MRPL34: variants seen among roughly 807,000 people sequenced by gnomAD.
MRPL34 encodes large ribosomal subunit protein bL34m.
MRPL34 carries 8 observed loss-of-function variants against 6.7 expected under a neutral mutation model. The ratio of observed to expected loss-of-function variants is 1.20; its 90% confidence interval spans 0.70 to 2.16. MRPL34 has a LOEUF of 2.16. MRPL34 is among the 30% of genes most tolerant of loss of function. The pLI is 0.00. For synonymous variants in MRPL34, 59 were observed against 55.1 expected (o/e 1.07, Z -0.31); for missense variants, 146 against 125.5 (o/e 1.16, Z -0.78).
Position 17,306,460 on chromosome 19 carries a change from G to C in MRPL34, c.*81G>C. The C allele has an allele frequency of 7.5e-7, 1 of 1,341,472 alleles. No individual in the cohort carries two copies. The highest frequency in any genetic ancestry group is 1.0e-6 in the Non-Finnish European group (1 of 998,154). The allele number at this position is 1,341,472 out of a possible 1,614,324, so 83.1% of individuals were successfully genotyped here. On this transcript the variant is annotated 3_prime_UTR_variant, in exon 2 of 2. Coordinates refer to ENST00000252602, the MANE Select transcript of MRPL34 (RefSeq NM_023937.4). The stretch of plus-strand genomic sequence containing the variant: ...TTGCCTGGCGCTATTTTTGCAGGGA[G>C]CTGGGGAGCAGGAACGCCTCGGACC...
chr19:17,293,681 A>T (rs1416672334), intron 1 of MRPL34, among the ~76,000 whole-genome samples: 4 of 88,100 alleles, frequency 4.5e-5, no homozygotes, highest in Non-Finnish European at 7.6e-5. Context: ...TTATACTTTA[A>T]TGGTTTTTGT....
intron 1 of MRPL34, among the ~76,000 whole-genome samples, chr19:17,295,122 G>A (rs62126249): frequency 1.0e-5 from 1 of 98,552 alleles, no homozygotes; most frequent in East Asian, 2.5e-4. Flanking sequence ...TTTTTGAGAC[G>A]GAGTCTCGCT....
Position 17,295,090 on chromosome 19 carries a change from A to ATTTTTTTTTT in MRPL34, c.214+2253_214+2262dup, listed in dbSNP as rs779607230. Among the ~76,000 whole-genome samples, 13 of 80,414 alleles carry ATTTTTTTTTT rather than the reference A, an allele frequency of 1.6e-4. 1 individual carries two copies. Among genetic ancestry groups the ATTTTTTTTTT allele is most frequent in the African/African-American group, 5.4e-4 (11 of 20,338 alleles). 52.8% of individuals were successfully genotyped at this position (80,414 alleles called of 152,430 possible). A position where few individuals can be genotyped will look rare whatever the true frequency, so the allele number is the denominator to read the frequency against. On this transcript the variant is annotated intron_variant, in intron 1 of 2. Transcript: ENST00000595444. Reference sequence around the variant, plus strand: ...AGGCGCACACCACCACACCCAGGTAATTTTTTTTTTTTTTTTTTTTTTTTT... The same window carrying ATTTTTTTTTT: ...AGGCGCACACCACCACACCCAGGTAATTTTTTTTTTTTTTTTTTTTTTTTTTTTTTTTTTT...
At chr19:17,304,260 C>A (rs184035538), upstream of MRPL34, among the ~76,000 whole-genome samples, 4 of 152,290 alleles carry the variant, frequency 2.6e-5, no homozygotes, top group East Asian at 1.9e-4. Flanking sequence ...CATGGTAGGC[C>A]CTCAGGAGAG....
chr19:17,299,560 CAAAAAAAAAAAA>C (rs567760409), upstream of MRPL34, among the ~76,000 whole-genome samples: 3 of 51,506 alleles, frequency 5.8e-5, no homozygotes, highest in East Asian at 2.0e-3. Context: ...GACTCCATCT[CAAAAAAAAAAAA>C]AAAAAAAAAA....
At chr19:17,298,735 C>CTTTTTTTT (rs34731394), upstream of MRPL34, among the ~76,000 whole-genome samples, 5 of 70,422 alleles carry the variant, frequency 7.1e-5, no homozygotes, top group Non-Finnish European at 7.4e-5. Flanking sequence ...AACAACACTG[C>CTTTTTTTT]TTTTTTTTTT....
chr19:17,294,209 GCCC>G, intron 1 of MRPL34: 1 of 1,495,758 alleles, frequency 6.7e-7, no homozygotes, highest in African/African-American at 1.4e-5. Context: ...GCGCTACCAC[GCCC>G]CCCGCAGAGG....
At position 17,306,303 on chromosome 19, in the gene MRPL34, G is replaced by T; in HGVS notation, c.203G>T (p.Arg68Leu). ...CGCAAGAACAAGCACGGCTGGGTCC[G>T]GCGCCTGAGCACGCCGGCCGGCGTG... The part of the protein sequence containing the change: ...IKRKNKHGWV[R>L]RLSTPAGVQV... The change falls in exon 2 of 2, where the codon CGG becomes CTG. Residue 68 changes from arginine to leucine, a missense_variant. Arg to Leu is a moderately radical substitution (Grantham distance 102). Transcript: ENST00000252602. 6.2e-7 allele frequency: 1 copy of T among 1,610,372 alleles called. No homozygotes were observed. The highest frequency in any genetic ancestry group is 8.5e-7 in the Non-Finnish European group (1 of 1,179,156).
rs775226742 is a variant in MRPL34 at position 17,306,397 on chromosome 19, G to A, written c.*18G>A. ...GCCATTGAGGATCGCGACGCAGTCGGCGGGACCCTCATGGAAGCATCGCCC... is the reference window on the plus strand; with the variant it reads ...GCCATTGAGGATCGCGACGCAGTCGACGGGACCCTCATGGAAGCATCGCCC... On this transcript the variant is annotated 3_prime_UTR_variant, in exon 2 of 2. Coordinates refer to ENST00000252602, the MANE Select transcript of MRPL34 (RefSeq NM_023937.4). 1 of 1,549,236 alleles carries A rather than the reference G, an allele frequency of 6.5e-7. No homozygotes were observed. The highest frequency in any genetic ancestry group is 8.7e-7 in the Non-Finnish European group (1 of 1,149,366).
chr19:17,299,757 A>T (rs923743501), upstream of MRPL34, among the ~76,000 whole-genome samples: 14 of 151,804 alleles, frequency 9.2e-5, no homozygotes, highest in Admixed American at 4.6e-4. Flanking sequence ...GAAAAATGGG[A>T]TTTTTTTCAA....
Position 17,306,261 on chromosome 19 carries a change from A to T in MRPL34, c.161A>T (p.Gln54Leu). Reference sequence around the variant, plus strand: ...GGCAAGGCTCGCGGGAATGAGTATCAGCCGAGCAACATCAAACGCAAGAAC... The same window carrying T: ...GGCAAGGCTCGCGGGAATGAGTATCTGCCGAGCAACATCAAACGCAAGAAC... Reference protein sequence around the residue: ...ARGKARGNEYQPSNIKRKNKH... With the variant: ...ARGKARGNEYLPSNIKRKNKH... Residue 54 changes from glutamine to leucine, a missense_variant, in exon 2 of 2, where the codon CAG (glutamine) becomes CTG (leucine). By Grantham distance (113) the Gln-to-Leu change is moderately radical. Transcript: ENST00000252602. 1.9e-6 allele frequency: 3 copies of T among 1,601,442 alleles called. No homozygotes were observed. The highest frequency in any genetic ancestry group is 2.6e-6 in the Non-Finnish European group (3 of 1,174,872).
At chr19:17,294,234 C>G in intron 1 of MRPL34, 1 of 1,568,652 alleles carries the variant, frequency 6.4e-7, no homozygotes, top group Non-Finnish European at 8.6e-7. Context: ...CACGCCCCTC[C>G]CGGGCAGCAC....
intron 1 of MRPL34, among the ~76,000 whole-genome samples, chr19:17,297,287 TTTTTTTTG>T (rs1353803489): frequency 1.3e-5 from 2 of 151,344 alleles, no homozygotes; most frequent in Admixed American, 1.3e-4. Context: ...TAGGTGGGTG[TTTTTTTTG>T]TTTTTTTGTT....
upstream of MRPL34, chr19:17,301,297 T>G (rs1319118086): frequency 8.7e-6 from 14 of 1,607,206 alleles, no homozygotes; most frequent in Non-Finnish European, 1.2e-5. Flanking sequence ...AGAGCCATTC[T>G]GCCCGTGTAG....
chr19:17,306,454 C>T lies in MRPL34; in HGVS notation c.*75C>T. The T allele has an allele frequency of 1.4e-6, 2 of 1,380,586 alleles. No homozygotes were observed. The highest frequency in any genetic ancestry group is 1.5e-5 in the African/African-American group (1 of 68,558). 85.5% of individuals were successfully genotyped at this position (1,380,586 alleles called of 1,614,324 possible). ...CGGACCTTGCCTGGCGCTATTTTTG[C>T]AGGGAGCTGGGGAGCAGGAACGCCT... On this transcript the variant is annotated 3_prime_UTR_variant, in exon 2 of 2. Transcript: ENST00000252602.
At chr19:17,305,808 T>G, upstream of MRPL34, 1 of 1,391,326 alleles carries the variant, frequency 7.2e-7, no homozygotes, top group Non-Finnish European at 1.0e-6. Context: ...AGAAACTACA[T>G]TTCCCATAAT....
upstream of MRPL34, among the ~76,000 whole-genome samples, chr19:17,304,576 C>T (rs141988394): frequency 2.6e-5 from 4 of 152,288 alleles, no homozygotes; most frequent in Admixed American, 6.5e-5. Context: ...AGCTGGATTC[C>T]GTCCAGACAC....
At position 17,306,397 on chromosome 19, in the gene MRPL34, G is replaced by T; in HGVS notation, c.*18G>T. 1 of 1,549,234 alleles carries T rather than the reference G, an allele frequency of 6.5e-7. No individual in the cohort carries two copies. The highest frequency in any genetic ancestry group is 2.4e-5 in the East Asian group (1 of 42,212). On this transcript the variant is annotated 3_prime_UTR_variant, in exon 2 of 2. Coordinates refer to ENST00000252602, the MANE Select transcript of MRPL34 (RefSeq NM_023937.4). ...GCCATTGAGGATCGCGACGCAGTCG[G>T]CGGGACCCTCATGGAAGCATCGCCC... is the stretch of plus-strand genomic sequence containing the variant.
chr19:17,294,700 G>T, intron 1 of MRPL34: 3 of 1,614,088 alleles, frequency 1.9e-6, no homozygotes, highest in Non-Finnish European at 2.5e-6. Context: ...GCCAGGCAGG[G>T]CGACAAGCAG....
Sources: gnomAD v4.1 joint callset for allele counts (sites outside exome capture counted in the v4.1 genomes callset) on GRCh38, gnomAD v4.1.1 for gene constraint, MANE v1.5 for transcripts, NCBI Gene and HGNC (gene_info 2026-07-23, HGNC 2026-07-21) for gene names.